The following NCOR1 variants were observed in gnomAD, a reference collection of about 807,000 sequenced individuals.
NCOR1 encodes nuclear receptor corepressor 1, also known as protein phosphatase 1, regulatory subunit 109.
Under a neutral mutation model 288.1 loss-of-function variants are expected in NCOR1, and 63 were observed. That is an observed-to-expected ratio of 0.22 (90% CI 0.18 to 0.27). The LOEUF is 0.27. Among genes scored for constraint, NCOR1 ranks in the 10% least tolerant of loss-of-function variants. NCOR1 has a pLI of 1.00. For synonymous variants in NCOR1, 1,007 were observed against 1,065.9 expected (o/e 0.94, Z 1.08); for missense variants, 2,397 against 3,019.2 (o/e 0.79, Z 4.83).
chr17:16,120,637 T>C (rs564626994), intron 16 of NCOR1, among the ~76,000 whole-genome samples: 1 of 152,218 alleles, frequency 6.6e-6, no homozygotes, highest in South Asian at 2.1e-4. Context: ...ACAAATAATT[T>C]AACATAAAAT....
chr17:16,173,804 G>T (rs2083554326), intron 3 of NCOR1, among the ~76,000 whole-genome samples: 1 of 151,952 alleles, frequency 6.6e-6, no homozygotes, highest in Admixed American at 6.6e-5. Flanking sequence ...GGTGGTGCTC[G>T]CCTGCAATCC....
chr17:16,190,338 G>T (rs1039261958), intron 2 of NCOR1, among the ~76,000 whole-genome samples: 1 of 151,996 alleles, frequency 6.6e-6, no homozygotes. Flanking sequence ...CTCTCTGAAA[G>T]AATTTCTTTT....
intron 15 of NCOR1, among the ~76,000 whole-genome samples, chr17:16,125,761 T>C (rs570912497): frequency 6.8e-6 from 1 of 148,042 alleles, no homozygotes; most frequent in Non-Finnish European, 1.5e-5. Flanking sequence ...CTAACGGCTA[T>C]CATCTTAAGT....
intron 4 of NCOR1, among the ~76,000 whole-genome samples, chr17:16,171,068 C>T (rs1599857390): frequency 6.6e-6 from 1 of 151,788 alleles, no homozygotes; most frequent in African/African-American, 2.4e-5. Flanking sequence ...AAAATTGCTA[C>T]GAGTGGATTT....
At chr17:16,198,309 G>C (rs549478799) in intron 1 of NCOR1, 1 of 140,216 alleles carries the variant, frequency 7.1e-6, no homozygotes, top group African/African-American at 2.7e-5. Context: ...AGTGAGCCGA[G>C]ATTGCGCCAC....
intron 4 of NCOR1, 65 bp from the exon 5 acceptor site, chr17:16,165,226 T>G: frequency 7.1e-7 from 1 of 1,402,462 alleles, no homozygotes; most frequent in Non-Finnish European, 9.6e-7. Flanking sequence ...TTGCCTTAAA[T>G]GAAAAAGTCA....
Position 16,213,272 on chromosome 17 carries a change from C to T in NCOR1, c.-71+2090G>A, listed in dbSNP as rs144559050. On this transcript the variant is annotated intron_variant, in intron 1 of 45. Coordinates refer to ENST00000268712, the MANE Select transcript of NCOR1 (RefSeq NM_006311.4). Reference sequence around the variant, plus strand: ...CTTTGGGAGGCCAAGGCAGGCGGATCACGAGGTCAGGAGATTGAGACCATC... The same window carrying T: ...CTTTGGGAGGCCAAGGCAGGCGGATTACGAGGTCAGGAGATTGAGACCATC... Among the ~76,000 whole-genome samples the T allele has an allele frequency of 4.1e-3, 621 of 151,860 alleles. 9 individuals are homozygous for T. Among genetic ancestry groups the T allele is most frequent in the African/African-American group, 0.014 (579 of 41,440 alleles).
chr17:16,136,964 C>T (rs915085207), intron 14 of NCOR1, among the ~76,000 whole-genome samples: 6 of 152,042 alleles, frequency 3.9e-5, no homozygotes, highest in Non-Finnish European at 7.4e-5. Flanking sequence ...CTGACCCCTC[C>T]TCAGATAAAC....
intron 22 of NCOR1, among the ~76,000 whole-genome samples, chr17:16,090,973 A>G (rs1194599857): frequency 6.6e-6 from 1 of 152,244 alleles, no homozygotes; most frequent in Non-Finnish European, 1.5e-5. Context: ...ATCGTAGCAT[A>G]TAAGTAGACT....
At chr17:16,050,296 C>T (rs1444806650) in intron 40 of NCOR1, among the ~76,000 whole-genome samples, 1 of 151,608 alleles carries the variant, frequency 6.6e-6, no homozygotes. Context: ...GATCTTGGCT[C>T]ACTATAACCT....
intron 43 of NCOR1, 159 bp downstream of exon 43, chr17:16,040,282 G>C (rs1271210223): frequency 1.4e-6 from 1 of 710,096 alleles, no homozygotes; most frequent in Admixed American, 2.0e-5. Context: ...GTTCCTTTCT[G>C]TGCTACTGGG....
chr17:16,051,789 G>A (rs2059341934), intron 40 of NCOR1, among the ~76,000 whole-genome samples: 1 of 152,128 alleles, frequency 6.6e-6, no homozygotes, highest in Admixed American at 6.5e-5. Context: ...GCACATGCCT[G>A]TAATCCCAGC....
In NCOR1 at chr17:16,046,975, A is replaced by T. The variant is rs1480267062; in HGVS notation, c.6655T>A (p.Ser2219Thr). The T allele has an allele frequency of 2.5e-6, 4 of 1,614,098 alleles. No individual in the cohort carries two copies. Among genetic ancestry groups the T allele is most frequent in the Non-Finnish European group, 1.7e-6 (2 of 1,179,974 alleles). Residue 2219 changes from serine to threonine, a missense_variant, in exon 42 of 46, where the codon TCT (serine) becomes ACT (threonine). Around this residue, in one of 11 missense-constraint regions of NCOR1, gnomAD observed 1,872 missense variants for 2,187.8 expected, o/e 0.86. Transcript: ENST00000268712. The stretch of plus-strand genomic sequence containing the variant: ...CCCATATCAGAGTCACCTCCACCAG[A>T]GGAGTTCAACTTACGAAAAATCTCC... ...KQEIFRKLNS[S>T]GGGDSDMAAA...
At chr17:16,041,433 G>A (rs1420560069) in intron 42 of NCOR1, among the ~76,000 whole-genome samples, 1 of 58,930 alleles carries the variant, frequency 1.7e-5, no homozygotes, top group East Asian at 2.3e-4. Context: ...CCTTTGAGAT[G>A]GTGGTGTTTT....
chr17:16,214,400 C>T (rs1173305615), intron 1 of NCOR1, among the ~76,000 whole-genome samples: 1 of 152,174 alleles, frequency 6.6e-6, no homozygotes, highest in Non-Finnish European at 1.5e-5. Flanking sequence ...TGCACAGTGC[C>T]ATGTTCAGCC....
At chr17:16,210,340 C>T (rs1028075725) in intron 1 of NCOR1, among the ~76,000 whole-genome samples, 8 of 151,408 alleles carry the variant, frequency 5.3e-5, no homozygotes, top group African/African-American at 1.7e-4. Context: ...CCTGAGACAG[C>T]GCCATTGCAC....
intron 18 of NCOR1, among the ~76,000 whole-genome samples, chr17:16,111,586 A>G (rs1369421142): frequency 6.6e-6 from 1 of 152,000 alleles, no homozygotes; most frequent in Non-Finnish European, 1.5e-5. Flanking sequence ...TTGGTGACAG[A>G]GCGAAACTCC....
Position 16,215,364 on chromosome 17 carries a change from G to T in NCOR1, c.-73C>A, listed in dbSNP as rs889113451. ...TGCAGGCGCCAGGGCCTACTCACCG[G>T]GAGCTGGCTAAGCGTGGGAGCCGAC... On this transcript the variant is annotated splice_region_variant and 5_prime_UTR_variant, in exon 1 of 46. Transcript: ENST00000268712. The T allele has an allele frequency of 1.5e-5, 6 of 394,132 alleles. No homozygotes were observed. The highest frequency in any genetic ancestry group is 1.0e-4 in the African/African-American group (5 of 48,416). 24.4% of individuals were successfully genotyped at this position (394,132 alleles called of 1,614,324 possible). A position where few individuals can be genotyped will look rare whatever the true frequency, so the allele number is the denominator to read the frequency against.
At chr17:16,039,245 T>C (rs2057088031) in intron 44 of NCOR1, 188 bp downstream of exon 44, 2 of 605,962 alleles carry the variant, frequency 3.3e-6, no homozygotes, top group Non-Finnish European at 5.7e-6. Flanking sequence ...TCTTCCATTT[T>C]ATTTCTGTTC....
Sources: allele counts gnomAD v4.1 joint callset (sites outside exome capture counted in the v4.1 genomes callset), GRCh38; gene constraint gnomAD v4.1.1; regional missense constraint gnomAD v4.1.1; transcripts MANE v1.5; gene names NCBI Gene and HGNC (gene_info 2026-07-23, HGNC 2026-07-21).